Variants in ARL6IP4 observed in about 807,000 individuals in gnomAD.
ARL6IP4 encodes ARF like GTPase 6 interacting protein 4.
Under a neutral mutation model 28.1 loss-of-function variants are expected in ARL6IP4, and 24 were observed. The observed-to-expected ratio is 0.86, with a 90% CI of 0.62 to 1.20. The LOEUF (loss-of-function observed/expected upper bound fraction) is 1.20. ARL6IP4 is among the 50% of genes most tolerant of loss of function. ARL6IP4 has a pLI of 0.00. For synonymous variants in ARL6IP4, 162 were observed against 122.3 expected, an observed-to-expected ratio of 1.32 and a Z score of -2.14; for missense variants, 343 against 302.4, an observed-to-expected ratio of 1.13 and a Z score of -1.00.
upstream of ARL6IP4, chr12:122,980,578 G>C (rs573457244): frequency 3.2e-5 from 44 of 1,378,278 alleles, no homozygotes; most frequent in South Asian, 7.0e-4. Flanking sequence ...GCCTCTGCGG[G>C]AGGTGGGCGC....
intron 1 of ARL6IP4, 148 bp from the exon 2 acceptor site, chr12:122,980,981 G>A (rs2037620096): frequency 7.2e-7 from 1 of 1,388,420 alleles, no homozygotes; most frequent in African/African-American, 1.5e-5. Context: ...GGTCCCCAGC[G>A]CTGGGGGTGG....
Position 122,981,858 on chromosome 12 carries a change from G to T in ARL6IP4, c.448G>T (p.Gly150Trp), listed in dbSNP as rs1361019830. ...GCTGGACCAGTGGCACCGATCAGCT[G>T]GGGAGGAAGAGGATGGCCCAGGTAC... Reference protein sequence around the residue: ...PSLDQWHRSAGEEEDGPVLTD... With the variant: ...PSLDQWHRSAWEEEDGPVLTD... The change falls in exon 3 of 6, where the codon GGG (glycine) becomes TGG (tryptophan). Residue 150 changes from glycine (G) to tryptophan (W), a missense_variant. By Grantham distance (184) the Gly-to-Trp change is radical. Transcript: ENST00000315580. The T allele has an allele frequency of 5.6e-6, 9 of 1,610,764 alleles. No homozygotes were observed. The South Asian group carries it at 8.8e-5, about 16-fold the overall frequency.
rs911705970 is a variant in ARL6IP4 at position 122,980,692 on chromosome 12, C to A, written c.-65C>A. On this transcript the variant is annotated 5_prime_UTR_variant, in exon 1 of 6. Coordinates refer to ENST00000315580, the MANE Select transcript of ARL6IP4 (RefSeq NM_018694.4). ...CCCCGGCCGGAAGCCTCCTCGCCGC[C>A]GCTTCCTCTCGAGAAGGCGCGGGGC... 3 of 1,337,828 alleles carry A rather than the reference C, an allele frequency of 2.2e-6. No homozygotes were observed. The South Asian group carries it at 5.8e-5, about 26-fold the overall frequency. 82.9% of individuals were successfully genotyped at this position (1,337,828 alleles called of 1,614,324 possible). A position where few individuals can be genotyped will look rare whatever the true frequency, so the allele number is the denominator to read the frequency against.
chr12:122,982,804 A>G lies in ARL6IP4; in HGVS notation c.*128A>G, dbSNP rs2037758273. On this transcript the variant is annotated 3_prime_UTR_variant, in exon 6 of 6. Coordinates refer to ENST00000315580, the MANE Select transcript of ARL6IP4 (RefSeq NM_018694.4). The stretch of plus-strand genomic sequence containing the variant: ...CGTGGATTGGTCTCTGGCCCAGCCC[A>G]GTCTCTTCTCAGGGGCAGGGGGTGG... The G allele has an allele frequency of 3.3e-5, 33 of 1,012,364 alleles. No homozygotes were observed. In the South Asian group the frequency reaches 4.7e-4, roughly 15 times the overall value. 62.7% of individuals were successfully genotyped at this position (1,012,364 alleles called of 1,614,324 possible).
At chr12:122,980,401 G>T, upstream of ARL6IP4, 1 of 1,369,428 alleles carries the variant, frequency 7.3e-7, no homozygotes. Flanking sequence ...GAGAGGGCAG[G>T]ACCAGCCGGG....
rs756947445 is a variant in ARL6IP4, at chr12:122,981,655, G to T, written c.245G>T (p.Ser82Ile). 6.4e-7 allele frequency: 1 copy of T among 1,556,930 alleles called. No individual in the cohort carries two copies. ...TCCAGCTCCTCCTCCTCTTCTTCCA[G>T]TTCTTCTAGCTCCTCTTCTTCCTCC... ...TRSSSSSSSS[S>I]SSSSSSSSSS... Residue 82 changes from serine (S) to isoleucine (I), a missense_variant, in exon 3 of 6, where the codon AGT becomes ATT. Coordinates refer to ENST00000315580, the MANE Select transcript of ARL6IP4 (RefSeq NM_018694.4).
At chr12:122,982,208 A>G in intron 4 of ARL6IP4, 134 bp downstream of exon 4, 1 of 1,034,998 alleles carries the variant, frequency 9.7e-7, no homozygotes, top group Non-Finnish European at 1.5e-6. Flanking sequence ...AAATACGGTC[A>G]CTTGGAGTAA....
intron 4 of ARL6IP4, 104 bp from the exon 5 acceptor site, chr12:122,982,365 G>T: frequency 9.5e-6 from 11 of 1,157,576 alleles, no homozygotes; most frequent in Admixed American, 4.1e-5. Flanking sequence ...CAAGGCTGCG[G>T]GGTGGGAGCC....
chr12:122,982,756 A>G lies in ARL6IP4; in HGVS notation c.*80A>G. The G allele has an allele frequency of 1.4e-6, 2 of 1,438,708 alleles. No homozygotes were observed. The highest frequency in any genetic ancestry group is 2.8e-5 in the African/African-American group (2 of 71,410). The allele number at this position is 1,438,708 out of a possible 1,614,324, so 89.1% of individuals were successfully genotyped here. ...TTTCAGGGTGCCAGTGGGAAGCCTG[A>G]TGGGTGCTGGTGGCCTTTCCCCCGT... is the stretch of plus-strand genomic sequence containing the variant. On this transcript the variant is annotated 3_prime_UTR_variant, in exon 6 of 6. Coordinates refer to ENST00000315580, the MANE Select transcript of ARL6IP4 (RefSeq NM_018694.4).
Position 122,982,045 on chromosome 12 carries a change from G to A in ARL6IP4, c.558G>A (p.Lys186=), listed in dbSNP as rs1310668152. ...EWDARQSIIR[K]VVDPETGRTR... ...ATGCCCGGCAGAGCATCATCCGCAA[G>A]GTGGTGGACCCTGAGACGGGGCGCA... Residue 186 remains lysine (K), a synonymous_variant, in exon 4 of 6, where the codon AAG becomes AAA. Transcript: ENST00000315580. 1 of 1,613,638 alleles carries A rather than the reference G, an allele frequency of 6.2e-7. No homozygotes were observed.
At position 122,981,278 on chromosome 12, in the gene ARL6IP4, A is replaced by C. The variant is rs1184055428; in HGVS notation, c.139A>C (p.Ser47Arg). 8 of 1,549,222 alleles carry C rather than the reference A, an allele frequency of 5.2e-6. No individual in the cohort carries two copies. Among genetic ancestry groups the C allele is most frequent in the Non-Finnish European group, 7.0e-6 (8 of 1,146,108 alleles). Residue 47 changes from serine (S) to arginine (R), a missense_variant, in exon 2 of 6, where the codon AGC becomes CGC. Physicochemically the swap from Ser to Arg is moderately radical, Grantham distance 110 (BLOSUM62 -1). Coordinates refer to ENST00000315580, the MANE Select transcript of ARL6IP4 (RefSeq NM_018694.4). Reference sequence around the variant, plus strand: ...CTCCACATCCCAAGGTCGCAAGGCCAGCACGGCCCCTGGGGCGGAGGGTGA... The same window carrying C: ...CTCCACATCCCAAGGTCGCAAGGCCCGCACGGCCCCTGGGGCGGAGGGTGA... ...SASTSQGRKA[S>R]TAPGAEASPS...
In ARL6IP4 at chr12:122,982,454, C is replaced by T. The variant is rs772068134; in HGVS notation, c.588-15C>T. ...CTGCCTATTCCTTGCTGAACGGAGA[C>T]CCTCCCACCCCCAGGCTTATTAAGG... On this transcript the variant is annotated splice_polypyrimidine_tract_variant and intron_variant, in intron 4 of 5. Coordinates refer to ENST00000315580, the MANE Select transcript of ARL6IP4 (RefSeq NM_018694.4). The T allele has an allele frequency of 3.7e-6, 6 of 1,607,768 alleles. No individual in the cohort carries two copies. The African/African-American group carries it at 5.4e-5, about 14-fold the overall frequency.
rs1404769864 is a variant in ARL6IP4, at chr12:122,982,490, G to A, written c.609G>A (p.Glu203=). The stretch of plus-strand genomic sequence containing the variant: ...CCAGGCTTATTAAGGGAGATGGCGA[G>A]GTCCTAGAGGAAATCGTAACCAAAG... ...GRTRLIKGDG[E]VLEEIVTKER... is the part of the protein sequence containing the mutation. Residue 203 remains glutamate, a synonymous_variant, in exon 5 of 6, where the codon GAG becomes GAA. Transcript: ENST00000315580. 1.2e-6 allele frequency: 2 copies of A among 1,614,050 alleles called. No individual in the cohort carries two copies. The highest frequency in any genetic ancestry group is 1.1e-5 in the South Asian group (1 of 91,052).
upstream of ARL6IP4, chr12:122,980,581 G>C: frequency 7.2e-7 from 1 of 1,382,844 alleles, no homozygotes; most frequent in Non-Finnish European, 9.4e-7. Context: ...TCTGCGGGAG[G>C]TGGGCGCGCC....
At chr12:122,980,665 C>T (rs774024029), upstream of ARL6IP4, 58 of 1,365,274 alleles carry the variant, frequency 4.2e-5, 1 homozygote, top group South Asian at 8.0e-4. Flanking sequence ...TCCCGCGCAG[C>T]GCCCCGGCCG....
In ARL6IP4 at chr12:122,982,744, G is replaced by C; in HGVS notation, c.*68G>C. ...AGCCTGGGCAGGTTTCAGGGTGCCAGTGGGAAGCCTGATGGGTGCTGGTGG... is the reference window on the plus strand; with the variant it reads ...AGCCTGGGCAGGTTTCAGGGTGCCACTGGGAAGCCTGATGGGTGCTGGTGG... On this transcript the variant is annotated 3_prime_UTR_variant, in exon 6 of 6. Transcript: ENST00000315580. 3.3e-6 allele frequency: 5 copies of C among 1,511,088 alleles called. No homozygotes were observed. Among genetic ancestry groups the C allele is most frequent in the Non-Finnish European group, 4.6e-6 (5 of 1,095,368 alleles). The allele number at this position is 1,511,088 out of a possible 1,614,324, so 93.6% of individuals were successfully genotyped here. A position where few individuals can be genotyped will look rare whatever the true frequency, so the allele number is the denominator to read the frequency against.
chr12:122,980,276 C>T (rs1366688599), upstream of ARL6IP4: 3 of 1,252,778 alleles, frequency 2.4e-6, no homozygotes, highest in East Asian at 3.0e-5. Flanking sequence ...TCCATGCCCG[C>T]GCTCACTGCC....
chr12:122,980,888 G>C lies in ARL6IP4; in HGVS notation c.-12+143G>C, dbSNP rs2037615038. 3 of 1,352,264 alleles carry C rather than the reference G, an allele frequency of 2.2e-6. No homozygotes were observed. The Admixed American group carries it at 1.2e-4, about 54-fold the overall frequency. The allele number at this position is 1,352,264 out of a possible 1,614,324, so 83.8% of individuals were successfully genotyped here. A position where few individuals can be genotyped will look rare whatever the true frequency, so the allele number is the denominator to read the frequency against. Reference sequence around the variant, plus strand: ...CCAGTTCCCAGGGGTTTGGAGCCGGGTGCGCAGGCGTGGGGCCTCCGGGCA... The same window carrying C: ...CCAGTTCCCAGGGGTTTGGAGCCGGCTGCGCAGGCGTGGGGCCTCCGGGCA... On this transcript the variant is annotated intron_variant, in intron 1 of 5. Coordinates refer to ENST00000315580, the MANE Select transcript of ARL6IP4 (RefSeq NM_018694.4).
chr12:122,982,046 G>A lies in ARL6IP4; in HGVS notation c.559G>A (p.Val187Met), dbSNP rs2037697300. 6.2e-7 allele frequency: 1 copy of A among 1,613,636 alleles called. No homozygotes were observed. Residue 187 changes from valine (V) to methionine (M), a missense_variant, in exon 4 of 6, where the codon GTG (valine) becomes ATG (methionine). Physicochemically the swap from Val to Met is conservative, Grantham distance 21. Transcript: ENST00000315580. ...WDARQSIIRK[V>M]VDPETGRTRL... Reference sequence around the variant, plus strand: ...TGCCCGGCAGAGCATCATCCGCAAGGTGGTGGACCCTGAGACGGGGCGCAC... The same window carrying A: ...TGCCCGGCAGAGCATCATCCGCAAGATGGTGGACCCTGAGACGGGGCGCAC...
Sources: gnomAD v4.1 joint callset for allele counts on GRCh38, gnomAD v4.1.1 for gene constraint, MANE v1.5 for transcripts, NCBI Gene and HGNC (gene_info 2026-07-23, HGNC 2026-07-21) for gene names.